Variants in AXIN2 observed in about 807,000 individuals in gnomAD.
AXIN2 encodes axin-2.
Under a neutral mutation model 74.7 loss-of-function variants are expected in AXIN2, and 21 were observed. The observed-to-expected ratio is 0.28, with a 90% CI of 0.20 to 0.40. AXIN2 has a LOEUF of 0.40. Ranked by LOEUF, AXIN2 falls within the 10% of genes least tolerant of loss-of-function variation. The pLI is 1.00. For missense variants in AXIN2, 1,144 were observed against 1,111.1 expected (o/e 1.03, Z -0.42); for synonymous variants, 532 against 454.9 (o/e 1.17, Z -2.16).
Position 65,558,105 on chromosome 17 carries a change from G to A in AXIN2, c.516C>T (p.Asp172=), listed in dbSNP as rs1598119543. ...CCGACTGGATCTCGGTCTGCGCCTG[G>A]TCAAACATGATGGAATCAATCTGCT... ...KKQQIDSIMF[D]QAQTEIQSVM... Residue 172 remains aspartate (D), a synonymous_variant, in exon 2 of 11, where the codon GAC becomes GAT. Coordinates refer to ENST00000307078, the MANE Select transcript of AXIN2 (RefSeq NM_004655.4). 6.2e-7 allele frequency: 1 copy of A among 1,613,984 alleles called. No individual in the cohort carries two copies. Among genetic ancestry groups the A allele is most frequent in the Non-Finnish European group, 8.5e-7 (1 of 1,180,014 alleles).
Position 65,529,466 on chromosome 17 carries a change from G to A in AXIN2, c.*510C>T, listed in dbSNP as rs2043780936. On this transcript the variant is annotated 3_prime_UTR_variant, in exon 11 of 11. Transcript: ENST00000307078. ...ACGTAGTGCAAAGCATAATTCCTCTGTTAGTGAAGAAACCATGAACGCACT... is the reference window on the plus strand; with the variant it reads ...ACGTAGTGCAAAGCATAATTCCTCTATTAGTGAAGAAACCATGAACGCACT... 1 of 281,966 alleles carries A rather than the reference G, an allele frequency of 3.5e-6. No homozygotes were observed. Among genetic ancestry groups the A allele is most frequent in the Admixed American group, 4.7e-5 (1 of 21,396 alleles). 17.5% of individuals were successfully genotyped at this position (281,966 alleles called of 1,614,324 possible). A position where few individuals can be genotyped will look rare whatever the true frequency, so the allele number is the denominator to read the frequency against.
chr17:65,553,870 A>C (rs2044229671), intron 2 of AXIN2, among the ~76,000 whole-genome samples: 1 of 150,982 alleles, frequency 6.6e-6, no homozygotes. Context: ...AGGAAACTCA[A>C]ACCACGCTAC....
chr17:65,556,283 G>A (rs551149850), intron 2 of AXIN2, among the ~76,000 whole-genome samples: 131 of 152,238 alleles, frequency 8.6e-4, no homozygotes, highest in African/African-American at 3.0e-3. Context: ...CCTTTACCAC[G>A]GCTCTTAAGT....
rs112451261 is a variant in AXIN2 at position 65,533,853 on chromosome 17, T to A, written c.2405+59A>T. On this transcript the variant is annotated intron_variant, in intron 10 of 10. Coordinates refer to ENST00000307078, the MANE Select transcript of AXIN2 (RefSeq NM_004655.4). ...CTCAGCCAGGGGAGCTGCTCCAGGC[T>A]CTGGCTCTTGGTTCTGAGCAAACAA... is the stretch of plus-strand genomic sequence containing the variant. The A allele has an allele frequency of 1.9e-3, 2,500 of 1,311,144 alleles. 43 individuals are homozygous for A. The African/African-American group carries it at 0.034, about 18-fold the overall frequency. 81.2% of individuals were successfully genotyped at this position (1,311,144 alleles called of 1,614,324 possible).
intron 3 of AXIN2, among the ~76,000 whole-genome samples, chr17:65,544,501 G>T (rs1203368833): frequency 6.6e-6 from 1 of 151,892 alleles, no homozygotes; most frequent in Non-Finnish European, 1.5e-5. Context: ...GCTCAGAAAG[G>T]CTTAACAGGC....
In AXIN2 at chr17:65,529,816, C is replaced by T; in HGVS notation, c.*160G>A. ...CTCATGAATCATGAAAATCAACCTC[C>T]CCCCGCCCTCCCGAAGGCCCACTGG... On this transcript the variant is annotated 3_prime_UTR_variant, in exon 11 of 11. Coordinates refer to ENST00000307078, the MANE Select transcript of AXIN2 (RefSeq NM_004655.4). 8.6e-7 allele frequency: 1 copy of T among 1,165,208 alleles called. No individual in the cohort carries two copies. The highest frequency in any genetic ancestry group is 1.3e-5 in the South Asian group (1 of 74,744). The allele number at this position is 1,165,208 out of a possible 1,614,324, so 72.2% of individuals were successfully genotyped here.
At chr17:65,549,766 C>T (rs892923308) in intron 2 of AXIN2, 106 bp from the exon 3 acceptor site, 35 of 1,405,580 alleles carry the variant, frequency 2.5e-5, no homozygotes, top group South Asian at 1.5e-4. Context: ...ATCTGCTCAA[C>T]GCCAACCTGC....
chr17:65,558,738 T>C lies in AXIN2; in HGVS notation c.-116-2A>G, dbSNP rs1064795553. On this transcript the variant is annotated splice_acceptor_variant, in intron 1 of 10. Transcript: ENST00000307078. LOFTEE classifies it low-confidence loss of function (5UTR_SPLICE). Reference sequence around the variant, plus strand: ...CAGGGGCTCATCTGAACCTCCTCTCTGGAAAGAAAAGGAAGGGGGGAGGTG... The same window carrying C: ...CAGGGGCTCATCTGAACCTCCTCTCCGGAAAGAAAAGGAAGGGGGGAGGTG... 3.7e-6 allele frequency: 4 copies of C among 1,083,506 alleles called. No individual in the cohort carries two copies. Among genetic ancestry groups the C allele is most frequent in the Non-Finnish European group, 5.4e-6 (4 of 736,490 alleles). The allele number at this position is 1,083,506 out of a possible 1,614,324, so 67.1% of individuals were successfully genotyped here. A position where few individuals can be genotyped will look rare whatever the true frequency, so the allele number is the denominator to read the frequency against.
intron 3 of AXIN2, among the ~76,000 whole-genome samples, chr17:65,546,032 G>A (rs2044113070): frequency 6.6e-6 from 1 of 151,452 alleles, no homozygotes; most frequent in Non-Finnish European, 1.5e-5. Flanking sequence ...GGCTGCCTGT[G>A]ACCCCCTCTC....
intron 9 of AXIN2, among the ~76,000 whole-genome samples, chr17:65,534,822 C>T (rs2043880774): frequency 1.3e-5 from 2 of 152,050 alleles, no homozygotes; most frequent in South Asian, 2.1e-4. Flanking sequence ...CCCAGCTACT[C>T]GGGAGGCTGA....
In AXIN2 at chr17:65,528,858, G is replaced by A. The variant is rs1242964181; in HGVS notation, c.*1118C>T. 1 of 401,496 alleles carries A rather than the reference G, an allele frequency of 2.5e-6. No individual in the cohort carries two copies. The highest frequency in any genetic ancestry group is 4.6e-6 in the Non-Finnish European group (1 of 218,116). The allele number at this position is 401,496 out of a possible 1,614,324, so 24.9% of individuals were successfully genotyped here. A position where few individuals can be genotyped will look rare whatever the true frequency, so the allele number is the denominator to read the frequency against. ...TGTACTGATTTAAAGTCAAGCACTAGAGATAGTGGATTAATACTCTTTTGC... is the reference window on the plus strand; with the variant it reads ...TGTACTGATTTAAAGTCAAGCACTAAAGATAGTGGATTAATACTCTTTTGC... On this transcript the variant is annotated 3_prime_UTR_variant, in exon 11 of 11. Transcript: ENST00000307078.
Position 65,537,806 on chromosome 17 carries a change from T to C in AXIN2, c.1230A>G (p.Thr410=), listed in dbSNP as rs778125851. ...EDEEREGSEL[T]LNSREGAPTQ... ...TGGGCGCCCCCTCCCGCGAATTGAG[T>C]GTGAGCTCGGAGCCCTCTCTCTCTT... is the stretch of plus-strand genomic sequence containing the variant. Residue 410 remains threonine, a synonymous_variant, in exon 6 of 11, where the codon ACA becomes ACG. Coordinates refer to ENST00000307078, the MANE Select transcript of AXIN2 (RefSeq NM_004655.4). 2 of 1,582,842 alleles carry C rather than the reference T, an allele frequency of 1.3e-6. No individual in the cohort carries two copies. The highest frequency in any genetic ancestry group is 8.6e-7 in the Non-Finnish European group (1 of 1,165,478).
intron 3 of AXIN2, among the ~76,000 whole-genome samples, chr17:65,545,039 AT>A (rs1245224432): frequency 2.0e-5 from 3 of 152,244 alleles, no homozygotes; most frequent in Non-Finnish European, 4.4e-5. Flanking sequence ...TAAATAAGAT[AT>A]AAAGAAATAC....
At chr17:65,553,131 G>A (rs1356466512) in intron 2 of AXIN2, among the ~76,000 whole-genome samples, 3 of 152,192 alleles carry the variant, frequency 2.0e-5, no homozygotes, top group Non-Finnish European at 4.4e-5. Context: ...ACTGGACACT[G>A]GTGTTTCCAT....
chr17:65,535,524 A>C (rs998253830), intron 9 of AXIN2, 102 bp downstream of exon 9: 10 of 1,208,458 alleles, frequency 8.3e-6, no homozygotes, highest in Non-Finnish European at 1.2e-5. Flanking sequence ...AAGTGATTTT[A>C]AAAACCAAAA....
chr17:65,530,099 A>G lies in AXIN2; in HGVS notation c.2409T>C (p.Tyr803=), dbSNP rs776821492. The G allele has an allele frequency of 1.2e-6, 2 of 1,614,064 alleles. No homozygotes were observed. The highest frequency in any genetic ancestry group is 1.3e-5 in the African/African-American group (1 of 74,930). ...ACTCATCGCTTGCTTTTTTGAAGTAATACCTTAAAAGGAAAACCAAAAAAG... is the reference window on the plus strand; with the variant it reads ...ACTCATCGCTTGCTTTTTTGAAGTAGTACCTTAAAAGGAAAACCAAAAAAG... The part of the protein sequence containing the change: ...EQLSKKGNYR[Y]YFKKASDEFA... Residue 803 remains tyrosine (Y), a synonymous_variant, in exon 11 of 11, where the codon TAT becomes TAC. Coordinates refer to ENST00000307078, the MANE Select transcript of AXIN2 (RefSeq NM_004655.4).
intron 3 of AXIN2, among the ~76,000 whole-genome samples, chr17:65,543,765 C>T (rs137944324): frequency 1.3e-3 from 200 of 152,316 alleles, no homozygotes; most frequent in African/African-American, 3.9e-3. Flanking sequence ...CTAAGCCCCA[C>T]GCAGTCACCT....
In AXIN2 at chr17:65,528,573, T is replaced by C. The variant is rs2043765473; in HGVS notation, c.*1403A>G. ...AAGACGAGGCCAGTGTTTTGAAAAA[T>C]ATAAAATTTTAATAAAGGCTACATC... On this transcript the variant is annotated 3_prime_UTR_variant, in exon 11 of 11. Transcript: ENST00000307078. 4 of 463,860 alleles carry C rather than the reference T, an allele frequency of 8.6e-6. No individual in the cohort carries two copies. Among genetic ancestry groups the C allele is most frequent in the Middle Eastern group, 5.7e-4 (1 of 1,742 alleles). The allele number at this position is 463,860 out of a possible 1,614,324, so 28.7% of individuals were successfully genotyped here.
In AXIN2 at chr17:65,558,229, G is replaced by A. The variant is rs947743204; in HGVS notation, c.392C>T (p.Ala131Val). 1.2e-6 allele frequency: 2 copies of A among 1,614,078 alleles called. No individual in the cohort carries two copies. Among genetic ancestry groups the A allele is most frequent in the Non-Finnish European group, 1.7e-6 (2 of 1,180,016 alleles). Reference protein sequence around the residue: ...NLKDTKTLRVAKAIYKRYIEN... With the variant: ...NLKDTKTLRVVKAIYKRYIEN... ...AATGTACCTTTTGTAGATCGCTTTG[G>A]CTACTCGTAAAGTTTTGGTATCCTT... The change falls in exon 2 of 11, where the codon GCC becomes GTC. Residue 131 changes from alanine to valine, a missense_variant. By Grantham distance (64) the Ala-to-Val change is moderately conservative (BLOSUM62 0). Transcript: ENST00000307078.
Sources: allele counts gnomAD v4.1 joint callset (sites outside exome capture counted in the v4.1 genomes callset), GRCh38; gene constraint gnomAD v4.1.1; transcripts MANE v1.5; gene names NCBI Gene and HGNC (gene_info 2026-07-23, HGNC 2026-07-21).